FRAS1: variants seen among roughly 807,000 people sequenced by gnomAD.
The protein encoded by FRAS1 is Fraser extracellular matrix complex subunit 1.
A neutral mutation model predicts 435.2 loss-of-function variants in FRAS1; 290 were observed. That is an observed-to-expected ratio of 0.67 (90% CI 0.61 to 0.73). The LOEUF is 0.73. Among genes scored for constraint, FRAS1 ranks in the 30% least tolerant of loss-of-function variants. FRAS1 has a pLI of 0.00. For synonymous variants in FRAS1, 1,800 were observed against 1,851.0 expected (o/e 0.97, Z 0.71); for missense variants, 4,860 against 5,001.5 (o/e 0.97, Z 0.85).
intron 38 of FRAS1, 144 bp downstream of exon 38, chr4:78,432,748 A>C: frequency 1.1e-6 from 1 of 903,888 alleles, no homozygotes; most frequent in South Asian, 2.1e-5. Flanking sequence ...CCTACCTTCT[A>C]CTGTTAGGAG....
rs1244427354 is a variant in FRAS1, at chr4:78,333,340, C to T, written c.2206C>T (p.His736Tyr). Residue 736 changes from histidine (H) to tyrosine (Y), a missense_variant, in exon 19 of 74, where the codon CAT (histidine) becomes TAT (tyrosine). His to Tyr is a moderately conservative substitution (Grantham distance 83). Coordinates refer to ENST00000512123, the MANE Select transcript of FRAS1 (RefSeq NM_025074.7). ...TAACTGCACAGACTGTGGGCCTTCCCATGTGCTGTTGGATGGGCAGTGCCT... is the reference window on the plus strand; with the variant it reads ...TAACTGCACAGACTGTGGGCCTTCCTATGTGCTGTTGGATGGGCAGTGCCT... ...PHNCTDCGPSHVLLDGQCLSQ... is the reference protein window; with the variant it reads ...PHNCTDCGPSYVLLDGQCLSQ... The T allele has an allele frequency of 6.2e-7, 1 of 1,612,524 alleles. No individual in the cohort carries two copies.
chr4:78,375,682 T>C, intron 25 of FRAS1, 57 bp from the exon 26 acceptor site: 1 of 1,470,694 alleles, frequency 6.8e-7, no homozygotes, highest in Non-Finnish European at 9.0e-7. Flanking sequence ...GCCCTTTATT[T>C]CTTTGTCGCT....
intron 37 of FRAS1, 59 bp downstream of exon 37, chr4:78,430,476 A>G (rs1734172104): frequency 3.2e-6 from 5 of 1,557,962 alleles, no homozygotes; most frequent in African/African-American, 2.7e-5. Flanking sequence ...TTGCTCTACA[A>G]TCAGTTGTTA....
At chr4:78,322,851 T>C (rs1560654512) in intron 18 of FRAS1, among the ~76,000 whole-genome samples, 1 of 152,206 alleles carries the variant, frequency 6.6e-6, no homozygotes, top group Non-Finnish European at 1.5e-5. Context: ...TTCTAGGCAC[T>C]GTGAATATAC....
chr4:78,315,165 T>A (rs1360765950), intron 15 of FRAS1, among the ~76,000 whole-genome samples: 1 of 152,212 alleles, frequency 6.6e-6, no homozygotes, highest in Non-Finnish European at 1.5e-5. Flanking sequence ...ACTTTCTGAA[T>A]TCTCTCTCCA....
Position 78,249,062 on chromosome 4 carries a change from TG to T in FRAS1, c.310-3329del, listed in dbSNP as rs1560602500. ...GAAGAACTACTGATATATATATATA[TG>T]CATATATATATATATATATATATGC... On this transcript the variant is annotated intron_variant, in intron 4 of 73. Transcript: ENST00000512123. Among the ~76,000 whole-genome samples, 8 of 32,682 alleles carry T rather than the reference TG, an allele frequency of 2.4e-4. No homozygotes were observed. The East Asian group carries it at 8.3e-3, about 34-fold the overall frequency. 21.4% of individuals were successfully genotyped at this position (32,682 alleles called of 152,430 possible).
chr4:78,131,241 A>G (rs184756302), intron 2 of FRAS1, among the ~76,000 whole-genome samples: 1 of 152,236 alleles, frequency 6.6e-6, no homozygotes, highest in East Asian at 1.9e-4. Context: ...ATCACATGTG[A>G]TTTGAGATTT....
chr4:78,177,917 T>A lies in FRAS1; in HGVS notation c.109-59593T>A, dbSNP rs1187923815. ...CCTCTTAGGATTTGTATTAGTTTCC[T>A]GGGCTGCCATAGCAAATTTCCGCAA... On this transcript the variant is annotated intron_variant, in intron 2 of 73. Transcript: ENST00000512123. 2.6e-5 allele frequency among the ~76,000 whole-genome samples: 4 copies of A among 152,220 alleles called. No homozygotes were observed. In the East Asian group the frequency reaches 5.8e-4, roughly 22 times the overall value.
At chr4:78,462,195 C>T (rs573414761) in intron 47 of FRAS1, among the ~76,000 whole-genome samples, 5 of 152,106 alleles carry the variant, frequency 3.3e-5, no homozygotes, top group East Asian at 1.9e-4. Context: ...GCCAACATGG[C>T]GAAACCCAGT....
chr4:78,533,590 G>A (rs1216201028), intron 70 of FRAS1, among the ~76,000 whole-genome samples: 1 of 152,264 alleles, frequency 6.6e-6, no homozygotes, highest in East Asian at 1.9e-4. Context: ...CTCATGCGTT[G>A]CATGATAGAT....
intron 56 of FRAS1, among the ~76,000 whole-genome samples, chr4:78,481,400 T>A (rs1720006555): frequency 6.6e-6 from 1 of 152,206 alleles, no homozygotes; most frequent in African/African-American, 2.4e-5. Context: ...AATTGACTAT[T>A]TTCTGACACA....
At chr4:78,518,494 T>C (rs1191485204) in intron 66 of FRAS1, among the ~76,000 whole-genome samples, 1 of 148,360 alleles carries the variant, frequency 6.7e-6, no homozygotes, top group Non-Finnish European at 1.5e-5. Context: ...ATAAAAATAT[T>C]TTAAAAATGT....
rs370591996 is a variant in FRAS1, at chr4:78,384,160, C to A, written c.3648+17C>A. ...TCAACACAGGTAATAAAAATGGCCA[C>A]GTAATTAATAATTTTACATGACTAC... On this transcript the variant is annotated intron_variant, in intron 28 of 73. Coordinates refer to ENST00000512123, the MANE Select transcript of FRAS1 (RefSeq NM_025074.7). The A allele has an allele frequency of 6.5e-7, 1 of 1,529,548 alleles. No homozygotes were observed. The highest frequency in any genetic ancestry group is 1.4e-5 in the African/African-American group (1 of 71,480). 94.7% of individuals were successfully genotyped at this position (1,529,548 alleles called of 1,614,324 possible).
At position 78,384,552 on chromosome 4, in the gene FRAS1, G is replaced by A. The variant is rs116255597; in HGVS notation, c.3648+409G>A. Among the ~76,000 whole-genome samples, 1,234 of 152,148 alleles carry A rather than the reference G, an allele frequency of 8.1e-3. 26 individuals are homozygous for A. Among genetic ancestry groups the A allele is most frequent in the African/African-American group, 0.028 (1,162 of 41,498 alleles). ...GGCTACAGAGGCGGTGTTCTTAACC[G>A]TTATATTATGACGCATAACTTTACT... On this transcript the variant is annotated intron_variant, in intron 28 of 73. Coordinates refer to ENST00000512123, the MANE Select transcript of FRAS1 (RefSeq NM_025074.7).
At chr4:78,258,953 A>G (rs371852453) in intron 6 of FRAS1, among the ~76,000 whole-genome samples, 140 of 131,298 alleles carry the variant, frequency 1.1e-3, no homozygotes, top group Non-Finnish European at 1.4e-3. Context: ...GAGAATATGC[A>G]GTGTTTGGTT....
chr4:78,468,521 T>TCATCATCATCATCATCA, intron 50 of FRAS1, among the ~76,000 whole-genome samples: 1 of 152,086 alleles, frequency 6.6e-6, no homozygotes, highest in Non-Finnish European at 1.5e-5. Context: ...ATCATCATCA[T>TCATCATCATCATCATCA]TTTAGAACCA....
At chr4:78,298,709 G>A (rs1211749958) in intron 14 of FRAS1, among the ~76,000 whole-genome samples, 1 of 152,166 alleles carries the variant, frequency 6.6e-6, no homozygotes, top group African/African-American at 2.4e-5. Context: ...CATGTAGAAG[G>A]TAACTGAAAG....
intron 2 of FRAS1, among the ~76,000 whole-genome samples, chr4:78,194,636 G>A (rs1306000297): frequency 1.3e-5 from 2 of 152,128 alleles, no homozygotes; most frequent in Non-Finnish European, 2.9e-5. Context: ...GTCCTTTAAG[G>A]ACTTCTCTGA....
At position 78,337,742 on chromosome 4, in the gene FRAS1, ATC is replaced by A; in HGVS notation, c.2353_2354del (p.Leu785TyrfsTer4). ...TGACTGCATCTCCTGTTACCCTCAC[ATC>A]TCTCTTACCAATGGTAACTGCAGGA... is the stretch of plus-strand genomic sequence containing the variant. ...ESDCISCYPH[I>X]SLTNGNCRTS... On this transcript the variant is annotated frameshift_variant, in exon 20 of 74. Coordinates refer to ENST00000512123, the MANE Select transcript of FRAS1 (RefSeq NM_025074.7). LOFTEE classifies it high-confidence loss of function. 6.2e-7 allele frequency: 1 copy of A among 1,613,840 alleles called. No homozygotes were observed. The highest frequency in any genetic ancestry group is 1.1e-5 in the South Asian group (1 of 91,076).
Sources: allele counts gnomAD v4.1 joint callset (sites outside exome capture counted in the v4.1 genomes callset), GRCh38; gene constraint gnomAD v4.1.1; transcripts MANE v1.5; gene names NCBI Gene and HGNC (gene_info 2026-07-23, HGNC 2026-07-21).